PDE1C: variants seen among roughly 807,000 people sequenced by gnomAD.
The protein encoded by PDE1C is dual specificity calcium/calmodulin-dependent 3',5'-cyclic nucleotide phosphodiesterase 1C.
A neutral mutation model predicts 93.1 loss-of-function variants in PDE1C; 62 were observed. The observed-to-expected ratio is 0.67, with a 90% CI of 0.54 to 0.82. The LOEUF (loss-of-function observed/expected upper bound fraction) is 0.82, where lower values mean the gene tolerates loss of function less well. PDE1C is among the 40% of genes least tolerant of loss of function. The pLI is 0.00. For synonymous variants in PDE1C, 325 were observed against 310.1 expected (o/e 1.05, Z -0.50); for missense variants, 742 against 884.6 (o/e 0.84, Z 2.04).
At chr7:32,111,535 A>ATTTGGGATT (rs1798640192) in intron 3 of PDE1C, among the ~76,000 whole-genome samples, 1 of 152,128 alleles carries the variant, frequency 6.6e-6, no homozygotes, top group African/African-American at 2.4e-5. Context: ...TTGTGGAACC[A>ATTTGGGATT]TGGTTGGGAT....
downstream of PDE1C, among the ~76,000 whole-genome samples, chr7:31,747,846 G>T: frequency 2.6e-5 from 1 of 38,018 alleles, no homozygotes; most frequent in Non-Finnish European, 6.0e-5. Context: ...GAGTCAGTCT[G>T]CAAAACATCT....
intron 16 of PDE1C, among the ~76,000 whole-genome samples, chr7:31,806,299 T>C (rs944224670): frequency 2.0e-5 from 3 of 151,978 alleles, no homozygotes; most frequent in Non-Finnish European, 4.4e-5. Context: ...CTATAATAAA[T>C]TATGGCAAGT....
chr7:32,169,814 G>C, exon 3 of PDE1C: 1 of 1,612,588 alleles, frequency 6.2e-7, no homozygotes, highest in Non-Finnish European at 8.5e-7. Flanking sequence ...AGACTTCTGG[G>C]CTATCCAGCT....
chr7:32,135,165 C>T (rs993747251), intron 3 of PDE1C, among the ~76,000 whole-genome samples: 1 of 152,108 alleles, frequency 6.6e-6, no homozygotes, highest in African/African-American at 2.4e-5. Flanking sequence ...CTAGAATGAA[C>T]ACTAAAACAC....
At chr7:32,316,388 A>T (rs529150299) in intron 1 of PDE1C, among the ~76,000 whole-genome samples, 6 of 152,308 alleles carry the variant, frequency 3.9e-5, no homozygotes, top group Non-Finnish European at 7.3e-5. Flanking sequence ...TCCTCTTTGC[A>T]AAAGGGTCTT....
chr7:31,752,357 G>GATTCCACC lies in PDE1C; in HGVS notation c.*1019_*1026dup, dbSNP rs1462226838. 3 of 152,104 alleles carry GATTCCACC rather than the reference G, an allele frequency of 2.0e-5. No homozygotes were observed. The highest frequency in any genetic ancestry group is 1.5e-5 in the Non-Finnish European group (1 of 68,008). The allele number at this position is 152,104 out of a possible 1,614,324, so 9.4% of individuals were successfully genotyped here. A position where few individuals can be genotyped will look rare whatever the true frequency, so the allele number is the denominator to read the frequency against. On this transcript the variant is annotated 3_prime_UTR_variant, in exon 18 of 18. Transcript: ENST00000396191. ...AAAAGAGGTGAGTTATAAAACTATGGATTCCACCAACAACTGTGAGAACAA... is the reference window on the plus strand; with the variant it reads ...AAAAGAGGTGAGTTATAAAACTATGGATTCCACCATTCCACCAACAACTGTGAGAACAA...
chr7:31,867,369 G>T (rs76241016), intron 6 of PDE1C, among the ~76,000 whole-genome samples: 1 of 152,094 alleles, frequency 6.6e-6, no homozygotes, highest in African/African-American at 2.4e-5. Flanking sequence ...AGATCCAACA[G>T]GCCCAGTTCC....
At chr7:32,394,813 G>A (rs1784813215) in intron 1 of PDE1C, among the ~76,000 whole-genome samples, 2 of 152,084 alleles carry the variant, frequency 1.3e-5, no homozygotes, top group South Asian at 4.2e-4. Flanking sequence ...GACCCTGTCT[G>A]AAAAAAATAT....
Position 32,078,861 on chromosome 7 carries a change from G to A in PDE1C, c.308+90924C>T, listed in dbSNP as rs182582269. Among the ~76,000 whole-genome samples, 82 of 151,858 alleles carry A rather than the reference G, an allele frequency of 5.4e-4. No individual in the cohort carries two copies. In the East Asian group the frequency reaches 0.011, roughly 21 times the overall value. On this transcript the variant is annotated intron_variant, in intron 3 of 18. Coordinates refer to the PDE1C transcript ENST00000396193. ...AGGATTGCTTGAGCCCAGGGGTCAA[G>A]GCTGCAATGAGCCATGATCACAGGA... is the stretch of plus-strand genomic sequence containing the variant.
chr7:31,753,324 G>C lies in PDE1C; in HGVS notation c.*60C>G, dbSNP rs1164314954. On this transcript the variant is annotated 3_prime_UTR_variant, in exon 18 of 18. Coordinates refer to ENST00000396191, the MANE Select transcript of PDE1C (RefSeq NM_001191057.4). ...TTGGAGGTGTGTCCTGCTGTGGCCA[G>C]TGGGTGCTGAGAAGCAGATAGGTAG... 4 of 1,568,634 alleles carry C rather than the reference G, an allele frequency of 2.5e-6. No individual in the cohort carries two copies. The highest frequency in any genetic ancestry group is 3.5e-6 in the Non-Finnish European group (4 of 1,157,494).
intron 16 of PDE1C, among the ~76,000 whole-genome samples, chr7:31,782,127 A>G (rs974809917): frequency 3.9e-5 from 6 of 152,216 alleles, no homozygotes; most frequent in African/African-American, 1.4e-4. Context: ...TAATTGCCCA[A>G]CAGCAGAGAG....
intron 1 of PDE1C, among the ~76,000 whole-genome samples, chr7:32,422,161 C>T (rs778730465): frequency 6.6e-6 from 1 of 152,134 alleles, no homozygotes; most frequent in Non-Finnish European, 1.5e-5. Flanking sequence ...TGTCACTAAC[C>T]TAAGCTTGAG....
At chr7:32,121,814 T>C (rs1799316141) in intron 3 of PDE1C, among the ~76,000 whole-genome samples, 1 of 152,182 alleles carries the variant, frequency 6.6e-6, no homozygotes, top group Non-Finnish European at 1.5e-5. Flanking sequence ...CTGCATCAAC[T>C]AGTGTGCAAA....
chr7:32,075,743 T>A (rs964320831), upstream of PDE1C, among the ~76,000 whole-genome samples: 2 of 152,066 alleles, frequency 1.3e-5, no homozygotes, highest in Non-Finnish European at 2.9e-5. Flanking sequence ...ATAGAAGAGA[T>A]AGGGCAGCTC....
At chr7:32,055,076 G>C (rs1793889670) in intron 1 of PDE1C, among the ~76,000 whole-genome samples, 1 of 152,202 alleles carries the variant, frequency 6.6e-6, no homozygotes, top group South Asian at 2.1e-4. Context: ...CTTATGGAAA[G>C]AATGATGGCT....
At chr7:32,108,669 T>C (rs571949517) in intron 3 of PDE1C, among the ~76,000 whole-genome samples, 10 of 152,302 alleles carry the variant, frequency 6.6e-5, no homozygotes, top group Admixed American at 6.5e-5. Flanking sequence ...TATGAAATTG[T>C]TCCTTCCTTG....
At chr7:31,804,474 G>A (rs1786525025) in intron 16 of PDE1C, among the ~76,000 whole-genome samples, 1 of 151,700 alleles carries the variant, frequency 6.6e-6, no homozygotes, top group South Asian at 2.1e-4. Context: ...TACACACAGA[G>A]GATATTTTCT....
intron 1 of PDE1C, among the ~76,000 whole-genome samples, chr7:32,069,859 G>C (rs1795818893): frequency 6.6e-6 from 1 of 152,218 alleles, no homozygotes; most frequent in African/African-American, 2.4e-5. Context: ...CAGCCAGAAT[G>C]CATGTTGAAT....
At chr7:31,810,944 A>T (rs1787468049) in intron 15 of PDE1C, among the ~76,000 whole-genome samples, 1 of 152,146 alleles carries the variant, frequency 6.6e-6, no homozygotes, top group Non-Finnish European at 1.5e-5. Flanking sequence ...AATTTGACAA[A>T]TACTAAGCTA....
Sources: gnomAD v4.1 joint callset for allele counts (sites outside exome capture counted in the v4.1 genomes callset) on GRCh38, gnomAD v4.1.1 for gene constraint, MANE v1.5 for transcripts, NCBI Gene and HGNC (gene_info 2026-07-23, HGNC 2026-07-21) for gene names.